ERI3: variants seen among roughly 807,000 people sequenced by gnomAD.
ERI3 encodes the protein ERI1 exoribonuclease 3.
A neutral mutation model predicts 44.4 loss-of-function variants in ERI3; 18 were observed. That is an observed-to-expected ratio of 0.41 (90% confidence interval 0.28 to 0.60). The LOEUF is 0.60. Ranked by LOEUF, ERI3 falls within the 20% of genes least tolerant of loss-of-function variation. ERI3 has a pLI of 0.36. For missense variants in ERI3, 294 were observed against 435.5 expected (o/e 0.68, Z 2.89); for synonymous variants, 183 against 164.8 (o/e 1.11, Z -0.84).
At chr1:44,325,204 A>T (rs965611817) in intron 3 of ERI3, among the ~76,000 whole-genome samples, 6 of 151,784 alleles carry the variant, frequency 4.0e-5, no homozygotes, top group African/African-American at 1.5e-4. Flanking sequence ...CAGCCTCCCA[A>T]GTAGCTGGGA....
intron 2 of ERI3, among the ~76,000 whole-genome samples, chr1:44,341,517 A>G (rs1418999088): frequency 6.6e-6 from 1 of 152,166 alleles, no homozygotes; most frequent in African/African-American, 2.4e-5. Flanking sequence ...AGAGCATACT[A>G]TATATACCCT....
At chr1:44,303,321 C>T (rs1025472761) in intron 6 of ERI3, among the ~76,000 whole-genome samples, 2 of 152,232 alleles carry the variant, frequency 1.3e-5, no homozygotes, top group African/African-American at 4.8e-5. Context: ...AGAATTCCTC[C>T]TCTAGTCTAT....
Position 44,231,107 on chromosome 1 carries a change from A to C in ERI3, c.932-9467T>G, listed in dbSNP as rs866699085. Reference sequence around the variant, plus strand: ...CACTTTATGCACATACCCTGAAGGTAATTTTATATAATCGTTTATATAATT... The same window carrying C: ...CACTTTATGCACATACCCTGAAGGTCATTTTATATAATCGTTTATATAATT... On this transcript the variant is annotated intron_variant, in intron 8 of 8. Coordinates refer to ENST00000372257, the MANE Select transcript of ERI3 (RefSeq NM_024066.3). Among the ~76,000 whole-genome samples the C allele has an allele frequency of 1.4e-4, 21 of 152,352 alleles. 2 individuals carry two copies. In the South Asian group the frequency reaches 2.5e-3, roughly 18 times the overall value.
chr1:44,276,804 T>C (rs1386680313), intron 7 of ERI3, among the ~76,000 whole-genome samples: 1 of 152,304 alleles, frequency 6.6e-6, no homozygotes, highest in South Asian at 2.1e-4. Context: ...TATTTTCAAT[T>C]CCCTATCCCT....
At chr1:44,323,148 C>T (rs569378508) in intron 3 of ERI3, 308 of 306,728 alleles carry the variant, frequency 1.0e-3, no homozygotes, top group Non-Finnish European at 1.5e-3. Flanking sequence ...TTTCCCTATC[C>T]TAATAATAGC....
intron 4 of ERI3, among the ~76,000 whole-genome samples, chr1:44,313,464 GACC>G (rs1285905450): frequency 6.6e-6 from 1 of 152,148 alleles, no homozygotes; most frequent in African/African-American, 2.4e-5. Context: ...TACACATGCT[GACC>G]ACAAGGCGTG....
intron 1 of ERI3, chr1:44,354,530 C>A: frequency 1.0e-6 from 1 of 985,406 alleles, no homozygotes; most frequent in Non-Finnish European, 1.2e-6. Flanking sequence ...ATCACTACTA[C>A]CACCGCTTCA....
At chr1:44,240,740 TCTCTGCAGGCCACAGGCCCCA>T (rs1408293389) in intron 8 of ERI3, among the ~76,000 whole-genome samples, 1 of 152,136 alleles carries the variant, frequency 6.6e-6, no homozygotes, top group East Asian at 1.9e-4. Flanking sequence ...CAAATTCCCC[TCTCTGCAGGCCACAGGCCCCA>T]CTTTGCCCAG....
intron 8 of ERI3, among the ~76,000 whole-genome samples, chr1:44,239,039 C>CA (rs1644374838): frequency 6.6e-6 from 1 of 151,260 alleles, no homozygotes; most frequent in South Asian, 2.1e-4. Flanking sequence ...CCTCCCCCCC[C>CA]CAATCCAGCT....
In ERI3 at chr1:44,252,832, G is replaced by A. The variant is rs1014240209; in HGVS notation, c.832-4794C>T. 6.6e-6 allele frequency among the ~76,000 whole-genome samples: 1 copy of A among 152,180 alleles called. No individual in the cohort carries two copies. Among genetic ancestry groups the A allele is most frequent in the Non-Finnish European group, 1.5e-5 (1 of 68,032 alleles). On this transcript the variant is annotated intron_variant, in intron 7 of 8. Coordinates refer to ENST00000372257, the MANE Select transcript of ERI3 (RefSeq NM_024066.3). The surrounding 1 kb of genome is among the most constrained non-coding windows in gnomAD (Gnocchi z 4.7). ...GGGAAGGGCTGTGGTTGGGCTAAAT[G>A]GCTAGAACCCAGCTCAGGCTGCAGA...
intron 7 of ERI3, among the ~76,000 whole-genome samples, chr1:44,250,740 G>C (rs559590621): frequency 1.6e-4 from 24 of 152,284 alleles, no homozygotes; most frequent in African/African-American, 5.5e-4. Context: ...GGGGGGCATG[G>C]GGCGGGAGAG....
At chr1:44,261,128 G>T (rs1417268252) in intron 7 of ERI3, among the ~76,000 whole-genome samples, 1 of 152,190 alleles carries the variant, frequency 6.6e-6, no homozygotes, top group African/African-American at 2.4e-5. Flanking sequence ...GACAGGCCTC[G>T]ACTTGAAAAG....
At chr1:44,335,500 C>T (rs1646516022) in intron 3 of ERI3, among the ~76,000 whole-genome samples, 1 of 152,102 alleles carries the variant, frequency 6.6e-6, no homozygotes, top group South Asian at 2.1e-4. Flanking sequence ...TGGCTCATGC[C>T]TGTAATCCCA....
chr1:44,248,339 C>T (rs1040397214), intron 7 of ERI3, among the ~76,000 whole-genome samples: 1 of 152,110 alleles, frequency 6.6e-6, no homozygotes, highest in Non-Finnish European at 1.5e-5. Context: ...TCTCAGGAGC[C>T]CTCCTCTCAC....
intron 7 of ERI3, among the ~76,000 whole-genome samples, chr1:44,253,687 T>C (rs914313993): frequency 7.9e-5 from 12 of 152,232 alleles, no homozygotes; most frequent in Non-Finnish European, 1.5e-4. Context: ...AAAGTTTCCC[T>C]GCAGTCCGGG....
intron 6 of ERI3, among the ~76,000 whole-genome samples, chr1:44,290,644 C>A (rs77931915): frequency 1.4e-4 from 21 of 152,266 alleles, no homozygotes; most frequent in African/African-American, 5.1e-4. Flanking sequence ...CTACTCCAGC[C>A]GAGGCAGCAC....
At chr1:44,314,785 A>G (rs1344273915) in intron 4 of ERI3, among the ~76,000 whole-genome samples, 1 of 152,246 alleles carries the variant, frequency 6.6e-6, no homozygotes, top group African/African-American at 2.4e-5. Context: ...GGGCCGCATT[A>G]CAGGAACTAG....
chr1:44,295,943 G>T (rs916516752), intron 6 of ERI3, among the ~76,000 whole-genome samples: 1 of 152,152 alleles, frequency 6.6e-6, no homozygotes, highest in African/African-American at 2.4e-5. Flanking sequence ...CTGGCTATAG[G>T]ACTGACAATG....
chr1:44,264,978 G>A (rs931161952), intron 7 of ERI3, among the ~76,000 whole-genome samples: 1 of 152,182 alleles, frequency 6.6e-6, no homozygotes, highest in Admixed American at 6.5e-5. Context: ...CTACTGACTG[G>A]AATGGTAGGG....
Sources: gnomAD v4.1 joint callset for allele counts (sites outside exome capture counted in the v4.1 genomes callset) on GRCh38, gnomAD v4.1.1 for gene constraint, Gnocchi (gnomAD v3.1) non-coding constraint, MANE v1.5 for transcripts, NCBI Gene and HGNC (gene_info 2026-07-23, HGNC 2026-07-21) for gene names.